Variants in MIER3 observed in about 807,000 individuals in gnomAD.
The protein encoded by MIER3 is mesoderm induction early response protein 3.
Under a neutral mutation model 63.2 loss-of-function variants are expected in MIER3, and 9 were observed. That is an observed-to-expected ratio of 0.14 (90% CI 0.09 to 0.25). The LOEUF (loss-of-function observed/expected upper bound fraction) is 0.25, where lower values mean the gene tolerates loss of function less well. MIER3 is among the 10% of genes least tolerant of loss of function. The probability of loss-of-function intolerance (pLI) is 1.00; values close to 1 mark genes in which losing one functional copy is unlikely to be tolerated. For synonymous variants in MIER3, 205 were observed against 224.9 expected, an observed-to-expected ratio of 0.91 and a Z score of 0.79; for missense variants, 512 against 666.2, an observed-to-expected ratio of 0.77 and a Z score of 2.55.
intron 7 of MIER3, among the ~76,000 whole-genome samples, chr5:56,934,984 T>TA (rs1299280088): frequency 3.3e-5 from 5 of 152,218 alleles, no homozygotes; most frequent in Non-Finnish European, 7.3e-5. Context: ...AGCAGATCCT[T>TA]ACATTTCACT....
intron 8 of MIER3, among the ~76,000 whole-genome samples, chr5:56,931,794 G>A (rs1750276333): frequency 6.6e-6 from 1 of 151,994 alleles, no homozygotes; most frequent in Non-Finnish European, 1.5e-5. Flanking sequence ...GAACAAAAGT[G>A]TAATTTAATA....
At chr5:56,947,915 C>T (rs548474343) in intron 2 of MIER3, among the ~76,000 whole-genome samples, 177 of 152,222 alleles carry the variant, frequency 1.2e-3, no homozygotes, top group Non-Finnish European at 2.0e-3. Flanking sequence ...AATCCATAAT[C>T]CCAAAGAAAT....
rs149694455 is a variant in MIER3, at chr5:56,948,481, T to G, written c.35-1410A>C. Among the ~76,000 whole-genome samples the G allele has an allele frequency of 9.5e-3, 1,451 of 152,166 alleles. 21 individuals are homozygous for G. Among genetic ancestry groups the G allele is most frequent in the African/African-American group, 0.033 (1,353 of 41,508 alleles). On this transcript the variant is annotated intron_variant, in intron 2 of 12. Transcript: ENST00000381199. ...GAGTTCCAGACCAGCCTGGTCAACATAGCGAAACCCTGTCTCTACTAACAA... is the reference window on the plus strand; with the variant it reads ...GAGTTCCAGACCAGCCTGGTCAACAGAGCGAAACCCTGTCTCTACTAACAA...
intron 3 of MIER3, among the ~76,000 whole-genome samples, chr5:56,944,575 G>T (rs976261970): frequency 3.9e-5 from 6 of 152,182 alleles, no homozygotes; most frequent in African/African-American, 1.2e-4. Context: ...ACAACTGATG[G>T]TATCACTGGA....
At chr5:56,934,515 G>A (rs942917791) in intron 7 of MIER3, among the ~76,000 whole-genome samples, 12 of 152,188 alleles carry the variant, frequency 7.9e-5, no homozygotes, top group African/African-American at 2.9e-4. Context: ...TTGGCTCAAA[G>A]GCCAAGTGTG....
intron 3 of MIER3, among the ~76,000 whole-genome samples, chr5:56,940,209 C>T (rs550260952): frequency 1.3e-5 from 2 of 152,280 alleles, no homozygotes; most frequent in South Asian, 2.1e-4. Flanking sequence ...GAATAAATAA[C>T]CTCAAAACAA....
intron 1 of MIER3, 21 bp from the exon 2 acceptor site, chr5:56,950,673 C>G: frequency 6.2e-7 from 1 of 1,612,884 alleles, no homozygotes; most frequent in South Asian, 1.1e-5. Context: ...GAGAAGAAAA[C>G]GTGAGGTTAG....
chr5:56,950,572 T>C lies in MIER3; in HGVS notation c.34+56A>G. On this transcript the variant is annotated intron_variant, in intron 2 of 12. Coordinates refer to ENST00000381199, the MANE Select transcript of MIER3 (RefSeq NM_001297599.2). ...ATTGGGAATCCTTTAGCAACAGACC[T>C]TTGAGCCCACATTACCCACTGGGAA... The C allele has an allele frequency of 1.9e-6, 3 of 1,584,226 alleles. No individual in the cohort carries two copies. The Admixed American group carries it at 5.1e-5, about 27-fold the overall frequency.
At chr5:56,937,798 C>A (rs1750502429) in intron 4 of MIER3, 100 bp from the exon 5 acceptor site, 1 of 966,450 alleles carries the variant, frequency 1.0e-6, no homozygotes, top group South Asian at 3.7e-5. Context: ...GCAGTTGGAA[C>A]CTTATGAGAG....
rs1561240314 is a variant in MIER3, at chr5:56,937,672, T to C, written c.342A>G (p.Ser114=). 1 of 1,610,648 alleles carries C rather than the reference T, an allele frequency of 6.2e-7. No homozygotes were observed. The highest frequency in any genetic ancestry group is 8.5e-7 in the Non-Finnish European group (1 of 1,178,188). ...DKEEIAKDLL[S]GDDEETQSSA... ...AAGACTGAGTTTCCTCGTCATCACC[T>C]GACAACAGGTCTTTTGCTATTTCCT... Residue 114 remains serine, a synonymous_variant, in exon 5 of 13, where the codon TCA becomes TCG. Coordinates refer to ENST00000381199, the MANE Select transcript of MIER3 (RefSeq NM_001297599.2).
chr5:56,943,343 A>G lies in MIER3; in HGVS notation c.180+3583T>C, dbSNP rs555378353. Among the ~76,000 whole-genome samples the G allele has an allele frequency of 3.3e-5, 5 of 151,516 alleles. No individual in the cohort carries two copies. In the South Asian group the frequency reaches 6.2e-4, roughly 19 times the overall value. ...ATTCTTATGTGGAAATTTAAAAAAA[A>G]AAAAGGTAGAAGAATAAATTGAGGG... On this transcript the variant is annotated intron_variant, in intron 3 of 12. Coordinates refer to ENST00000381199, the MANE Select transcript of MIER3 (RefSeq NM_001297599.2).
chr5:56,926,307 A>G (rs114283563), intron 10 of MIER3, among the ~76,000 whole-genome samples: 31 of 152,258 alleles, frequency 2.0e-4, no homozygotes, highest in Admixed American at 3.3e-4. Context: ...TAAAAAGACA[A>G]GCCTCAAAAT....
intron 4 of MIER3, 36 bp downstream of exon 4, chr5:56,938,847 A>C: frequency 6.2e-7 from 1 of 1,603,246 alleles, no homozygotes; most frequent in East Asian, 2.2e-5. Flanking sequence ...CAATGGTAAC[A>C]GACCCTGAAT....
intron 3 of MIER3, chr5:56,941,367 G>A (rs1206018359): frequency 3.2e-5 from 5 of 154,940 alleles, no homozygotes; most frequent in African/African-American, 1.2e-4. Flanking sequence ...GGGCTGCCAA[G>A]TTTGATGAGT....
In MIER3 at chr5:56,952,077, C is replaced by A; in HGVS notation, c.9+17G>T. On this transcript the variant is annotated intron_variant, in intron 1 of 12. Coordinates refer to ENST00000381199, the MANE Select transcript of MIER3 (RefSeq NM_001297599.2). The stretch of plus-strand genomic sequence containing the variant: ...CCCGCTCCAGCCCGGCTGCTCCTGC[C>A]CGGTTTCCCTGCTCACCTCCGCCAT... 7.7e-7 allele frequency: 1 copy of A among 1,301,426 alleles called. No individual in the cohort carries two copies. Among genetic ancestry groups the A allele is most frequent in the Non-Finnish European group, 9.9e-7 (1 of 1,007,076 alleles). 80.6% of individuals were successfully genotyped at this position (1,301,426 alleles called of 1,614,324 possible). A position where few individuals can be genotyped will look rare whatever the true frequency, so the allele number is the denominator to read the frequency against.
At chr5:56,939,086 T>C (rs775253671) in intron 3 of MIER3, 69 bp from the exon 4 acceptor site, 5 of 1,487,936 alleles carry the variant, frequency 3.4e-6, no homozygotes, top group Non-Finnish European at 4.5e-6. Context: ...TAAACTGTAC[T>C]GTCCTTAGGT....
rs190486611 is a variant in MIER3 at position 56,948,973 on chromosome 5, A to C, written c.34+1655T>G. Among the ~76,000 whole-genome samples, 3 of 152,344 alleles carry C rather than the reference A, an allele frequency of 2.0e-5. No individual in the cohort carries two copies. The East Asian group carries it at 5.8e-4, about 29-fold the overall frequency. On this transcript the variant is annotated intron_variant, in intron 2 of 12. Transcript: ENST00000381199. ...TTTGTCCTTGGCTTTTTGGGACCTAAAGGAAGTCATTTAAACTTTCTAGGT... is the reference window on the plus strand; with the variant it reads ...TTTGTCCTTGGCTTTTTGGGACCTACAGGAAGTCATTTAAACTTTCTAGGT...
chr5:56,950,301 A>T (rs1171116570), intron 2 of MIER3, among the ~76,000 whole-genome samples: 2 of 152,238 alleles, frequency 1.3e-5, no homozygotes, highest in East Asian at 3.8e-4. Context: ...TTAAAATCTA[A>T]ATTGCTAAAG....
In MIER3 at chr5:56,921,776, C is replaced by G. The variant is rs1749686129; in HGVS notation, c.*1352G>C. ...ATCAAGAATTTTAATTAAGACGGTG[C>G]AAACAACATAATTCTCTATTTTAAC... On this transcript the variant is annotated 3_prime_UTR_variant, in exon 13 of 13. Coordinates refer to ENST00000381199, the MANE Select transcript of MIER3 (RefSeq NM_001297599.2). 1 of 152,562 alleles carries G rather than the reference C, an allele frequency of 6.6e-6. No homozygotes were observed. Among genetic ancestry groups the G allele is most frequent in the South Asian group, 2.1e-4 (1 of 4,822 alleles). 9.5% of individuals were successfully genotyped at this position (152,562 alleles called of 1,614,324 possible). A position where few individuals can be genotyped will look rare whatever the true frequency, so the allele number is the denominator to read the frequency against.
Sources: allele counts gnomAD v4.1 joint callset (sites outside exome capture counted in the v4.1 genomes callset), GRCh38; gene constraint gnomAD v4.1.1; transcripts MANE v1.5; gene names NCBI Gene and HGNC (gene_info 2026-07-23, HGNC 2026-07-21).